ANO3: variants seen among roughly 807,000 people sequenced by gnomAD.
ANO3 encodes anoctamin 3, also known as anoctamin-3.
ANO3 carries 99 observed loss-of-function variants against 144.8 expected under a neutral mutation model. That is an observed-to-expected ratio of 0.68 (90% CI 0.58 to 0.81). The LOEUF is 0.81. ANO3 is among the 30% of genes least tolerant of loss of function. ANO3 has a pLI of 0.00. For synonymous variants in ANO3, 414 were observed against 392.6 expected, an observed-to-expected ratio of 1.05 and a Z score of -0.64; for missense variants, 905 against 1,202.2, an observed-to-expected ratio of 0.75 and a Z score of 3.66.
intron 1 of ANO3, among the ~76,000 whole-genome samples, chr11:26,203,757 C>T (rs940180112): frequency 6.6e-6 from 1 of 152,094 alleles, no homozygotes; most frequent in African/African-American, 2.4e-5. Context: ...TACTGTTTGT[C>T]ATGTGCCTTT....
At position 26,624,505 on chromosome 11, in the gene ANO3, C is replaced by A. The variant is rs1456235197; in HGVS notation, c.1873+7C>A. The A allele has an allele frequency of 1.3e-6, 2 of 1,599,338 alleles. No individual in the cohort carries two copies. Among genetic ancestry groups the A allele is most frequent in the Non-Finnish European group, 8.6e-7 (1 of 1,167,864 alleles). On this transcript the variant is annotated splice_region_variant and intron_variant, in intron 18 of 26. Coordinates refer to ENST00000256737, the MANE Select transcript of ANO3 (RefSeq NM_031418.4). ...TACCTCCTCACCAATTTAGGTAAGT[C>A]CATTTTTCTTACTTCACTCCTTAGT...
chr11:26,211,811 C>A (rs1851939198), intron 1 of ANO3, among the ~76,000 whole-genome samples: 1 of 151,992 alleles, frequency 6.6e-6, no homozygotes, highest in Admixed American at 6.6e-5. Flanking sequence ...GGAACAAACC[C>A]AAATGTCCAT....
chr11:26,381,471 C>A (rs2133950573), intron 1 of ANO3, among the ~76,000 whole-genome samples: 1 of 152,276 alleles, frequency 6.6e-6, no homozygotes, highest in Non-Finnish European at 1.5e-5. Context: ...TTCTAAACAG[C>A]ATTTACATTA....
intron 17 of ANO3, among the ~76,000 whole-genome samples, chr11:26,614,709 A>G (rs1852199511): frequency 6.6e-6 from 1 of 152,106 alleles, no homozygotes; most frequent in Non-Finnish European, 1.5e-5. Context: ...GAGGATCTTT[A>G]ACTTATGTTT....
rs890509138 is a variant in ANO3, at chr11:26,656,048, C to T, written c.2577-77C>T. 12 of 1,159,694 alleles carry T rather than the reference C, an allele frequency of 1.0e-5. No homozygotes were observed. In the African/African-American group the frequency reaches 1.9e-4, roughly 18 times the overall value. 71.8% of individuals were successfully genotyped at this position (1,159,694 alleles called of 1,614,324 possible). ...GGAAAGAATAATACATTTGTAAAAT[C>T]CTGGCATTTGTAATAAAATAATTAG... On this transcript the variant is annotated intron_variant, in intron 24 of 26. Transcript: ENST00000256737.
intron 4 of ANO3, among the ~76,000 whole-genome samples, chr11:26,500,308 C>G (rs912179779): frequency 6.6e-6 from 1 of 151,680 alleles, no homozygotes; most frequent in Non-Finnish European, 1.5e-5. Flanking sequence ...TTTTGTTTCT[C>G]TTGGATATAT....
At position 26,230,880 on chromosome 11, in the gene ANO3, T is replaced by G. The variant is rs953453153; in HGVS notation, c.154+41550T>G. On this transcript the variant is annotated intron_variant, in intron 1 of 27. Transcript: ENST00000672621. ...AAAGTTTTCTGGTTCTTCCCAGAAGTTTTTTTCTTTTTTTTTTTTTTTCTT... is the reference window on the plus strand; with the variant it reads ...AAAGTTTTCTGGTTCTTCCCAGAAGGTTTTTTCTTTTTTTTTTTTTTTCTT... Among the ~76,000 whole-genome samples the G allele has an allele frequency of 1.4e-5, 2 of 147,726 alleles. 1 individual carries two copies. The highest frequency in any genetic ancestry group is 3.0e-5 in the Non-Finnish European group (2 of 66,840).
At chr11:26,597,631 A>G (rs1851674243) in intron 14 of ANO3, among the ~76,000 whole-genome samples, 1 of 152,192 alleles carries the variant, frequency 6.6e-6, no homozygotes, top group African/African-American at 2.4e-5. Flanking sequence ...AATAGAGTGA[A>G]AACAGAGCTC....
intron 24 of ANO3, among the ~76,000 whole-genome samples, chr11:26,649,291 C>T (rs1347377574): frequency 1.3e-5 from 2 of 152,072 alleles, no homozygotes; most frequent in African/African-American, 4.8e-5. Context: ...TAGAATCTGA[C>T]TTTTTTGATA....
At chr11:26,464,227 T>C (rs188591178) in intron 4 of ANO3, among the ~76,000 whole-genome samples, 1 of 151,912 alleles carries the variant, frequency 6.6e-6, no homozygotes, top group African/African-American at 2.4e-5. Context: ...TTTGGTTTTA[T>C]TAAATTGCAT....
intron 14 of ANO3, among the ~76,000 whole-genome samples, chr11:26,564,720 CACACACACACACATATATATATATAT>C (rs1256839881): frequency 3.2e-4 from 24 of 75,614 alleles, no homozygotes; most frequent in Non-Finnish European, 5.0e-4. Flanking sequence ...CACACACACA[CACACACACACACATATATATATATAT>C]ATATATATAT....
chr11:26,531,202 C>T lies in ANO3; in HGVS notation c.738-3C>T. ...CTAGTTCTCAAATGTGACTTCATTC[C>T]AGGATGCAAACTTATTTTAGAAGAA... On this transcript the variant is annotated splice_polypyrimidine_tract_variant and splice_region_variant and intron_variant, in intron 7 of 26. Coordinates refer to ENST00000256737, the MANE Select transcript of ANO3 (RefSeq NM_031418.4). The T allele has an allele frequency of 6.2e-7, 1 of 1,613,764 alleles. No individual in the cohort carries two copies. Among genetic ancestry groups the T allele is most frequent in the Non-Finnish European group, 8.5e-7 (1 of 1,179,908 alleles).
At chr11:26,460,210 TTC>T (rs1395474631) in intron 3 of ANO3, 4 of 365,860 alleles carry the variant, frequency 1.1e-5, no homozygotes, top group South Asian at 4.2e-5. Flanking sequence ...ATTTTTCTAC[TTC>T]TGTTATATAT....
intron 4 of ANO3, among the ~76,000 whole-genome samples, chr11:26,472,420 C>A (rs1859815402): frequency 6.6e-6 from 1 of 151,896 alleles, no homozygotes. Context: ...ACCCCCATTT[C>A]ATAGGTGAGG....
intron 4 of ANO3, 42 bp downstream of exon 4, chr11:26,463,190 C>T: frequency 9.3e-7 from 1 of 1,074,052 alleles, no homozygotes. Context: ...TTTAGAGCAT[C>T]ATTTTTAAAA....
At chr11:26,535,710 G>C (rs1196258305) in intron 9 of ANO3, among the ~76,000 whole-genome samples, 2 of 151,138 alleles carry the variant, frequency 1.3e-5, no homozygotes, top group African/African-American at 2.4e-5. Flanking sequence ...AGCCTCCCGA[G>C]TGGCTGGAAC....
At chr11:26,615,411 TA>T (rs139860774) in intron 17 of ANO3, among the ~76,000 whole-genome samples, 4,485 of 100,658 alleles carry the variant, frequency 0.045, 145 homozygotes, top group African/African-American at 0.13. Context: ...TATATATATA[TA>T]TATTTTTTTT....
chr11:26,426,580 A>G (rs1857927840), intron 1 of ANO3, among the ~76,000 whole-genome samples: 3 of 152,222 alleles, frequency 2.0e-5, no homozygotes, highest in Admixed American at 1.3e-4. Context: ...TGACAGGCAA[A>G]TGATCAAATA....
chr11:26,440,084 C>T (rs947190584), intron 1 of ANO3, among the ~76,000 whole-genome samples: 2 of 151,914 alleles, frequency 1.3e-5, no homozygotes, highest in African/African-American at 2.4e-5. Flanking sequence ...GGGCGGAGGG[C>T]GGGGGTGGTT....
Sources: allele counts gnomAD v4.1 joint callset (sites outside exome capture counted in the v4.1 genomes callset), GRCh38; gene constraint gnomAD v4.1.1; transcripts MANE v1.5; gene names NCBI Gene and HGNC (gene_info 2026-07-23, HGNC 2026-07-21).